The following BRCA2 variants were observed in gnomAD, a reference collection of about 807,000 sequenced individuals.
The protein encoded by BRCA2 is breast cancer type 2 susceptibility protein.
Under a neutral mutation model 276.7 loss-of-function variants are expected in BRCA2, and 203 were observed. The observed-to-expected ratio is 0.73, with a 90% CI of 0.65 to 0.82. The LOEUF (loss-of-function observed/expected upper bound fraction) is 0.82. Among genes scored for constraint, BRCA2 ranks in the 40% least tolerant of loss-of-function variants. BRCA2 has a pLI of 0.00. For missense variants in BRCA2, 3,920 were observed against 3,915.0 expected (o/e 1.00, Z -0.03); for synonymous variants, 1,289 against 1,338.4 (o/e 0.96, Z 0.81).
chr13:32,349,896 G>C (rs1327732400), intron 13 of BRCA2, among the ~76,000 whole-genome samples: 2 of 151,240 alleles, frequency 1.3e-5, no homozygotes, highest in African/African-American at 2.4e-5. Context: ...AAAAGAACCA[G>C]AGGCTTATTC....
intron 10 of BRCA2, among the ~76,000 whole-genome samples, chr13:32,335,721 GT>G (rs1184732327): frequency 6.6e-6 from 1 of 151,300 alleles, no homozygotes; most frequent in Non-Finnish European, 1.5e-5. Context: ...TTTTGATTGA[GT>G]TGGTAACTAT....
chr13:32,356,272 T>G lies in BRCA2; in HGVS notation c.7436-156T>G, dbSNP rs189125142. On this transcript the variant is annotated intron_variant, in intron 14 of 26. Coordinates refer to ENST00000380152, the MANE Select transcript of BRCA2 (RefSeq NM_000059.4). ...TTTAGTAGAGACAGGGTTTCTCCAT[T>G]TTGGTCAGGCTGGTCTTGAACTCCC... is the stretch of plus-strand genomic sequence containing the variant. 2.0e-4 allele frequency among the ~76,000 whole-genome samples: 30 copies of G among 152,092 alleles called. No homozygotes were observed. The East Asian group carries it at 5.8e-3, about 29-fold the overall frequency.
At chr13:32,347,370 AG>A (rs1344768666) in intron 13 of BRCA2, among the ~76,000 whole-genome samples, 1 of 152,218 alleles carries the variant, frequency 6.6e-6, no homozygotes, top group African/African-American at 2.4e-5. Context: ...TAGAGCAAAC[AG>A]AGATGCTTTC....
chr13:32,354,770 T>C (rs1370719123), intron 13 of BRCA2, 91 bp from the exon 14 acceptor site: 1 of 892,206 alleles, frequency 1.1e-6, no homozygotes, highest in Non-Finnish European at 1.8e-6. Context: ...AGTATCACCA[T>C]GTAGCAAATG....
At chr13:32,371,124 A>C (rs81002851) in intron 20 of BRCA2, 24 bp downstream of exon 20, 2 of 1,607,732 alleles carry the variant, frequency 1.2e-6, no homozygotes, top group South Asian at 2.2e-5. Flanking sequence ...TATGGTACAC[A>C]TTGTTATTTC....
At chr13:32,318,181 A>T (rs2072277334) in intron 2 of BRCA2, among the ~76,000 whole-genome samples, 1 of 152,220 alleles carries the variant, frequency 6.6e-6, no homozygotes, top group African/African-American at 2.4e-5. Context: ...CAGCAGTTTT[A>T]CCCAGCATCA....
At chr13:32,356,368 C>A in intron 14 of BRCA2, 60 bp from the exon 15 acceptor site, 2 of 1,547,510 alleles carry the variant, frequency 1.3e-6, no homozygotes, top group Non-Finnish European at 1.8e-6. Context: ...CTGTGCCTGG[C>A]CAGGGGTTGT....
intron 13 of BRCA2, among the ~76,000 whole-genome samples, chr13:32,350,875 C>T (rs369671478): frequency 1.3e-5 from 2 of 152,184 alleles, no homozygotes; most frequent in African/African-American, 4.8e-5. Flanking sequence ...GTGAAGCTGG[C>T]TGGGCTTCTG....
At position 32,338,204 on chromosome 13, in the gene BRCA2, A is replaced by G. The variant is rs1214830867; in HGVS notation, c.3849A>G (p.Val1283=). Residue 1283 remains valine, a synonymous_variant, in exon 11 of 27, where the codon GTA becomes GTG. Coordinates refer to ENST00000380152, the MANE Select transcript of BRCA2 (RefSeq NM_000059.4). ...TAGAAAATCATAATGATAAAACTGT[A>G]AGTGAAAAAAATAATAAATGCCAAC... ...FKIENHNDKT[V]SEKNNKCQLI... is the part of the protein sequence containing the mutation. 6.5e-7 allele frequency: 1 copy of G among 1,547,228 alleles called. No individual in the cohort carries two copies.
Position 32,370,545 on chromosome 13 carries a change from A to G in BRCA2, c.8475A>G (p.Ala2825=), listed in dbSNP as rs1593930521. The change falls in exon 19 of 27, where the codon GCA becomes GCG. Residue 2825 remains alanine, a synonymous_variant. Transcript: ENST00000380152. ...VGCVDVIIQR[A]YPIQWMEKTS... is the part of the protein sequence containing the mutation. ...GTGTTGATGTAATTATTCAAAGAGC[A>G]TACCCTATACAGGTATGATGTATTC... 2 of 1,612,998 alleles carry G rather than the reference A, an allele frequency of 1.2e-6. No homozygotes were observed. The highest frequency in any genetic ancestry group is 1.7e-6 in the Non-Finnish European group (2 of 1,178,936).
chr13:32,317,804 T>A (rs963816224), intron 2 of BRCA2, among the ~76,000 whole-genome samples: 14 of 152,254 alleles, frequency 9.2e-5, no homozygotes, highest in Non-Finnish European at 1.9e-4. Flanking sequence ...TTCATTGATT[T>A]GTGAGAAAAT....
At position 32,398,565 on chromosome 13, in the gene BRCA2, C is replaced by T. The variant is rs2137666124; in HGVS notation, c.10052C>T (p.Ala3351Val). The change falls in exon 27 of 27, where the codon GCT becomes GTT. Residue 3351 changes from alanine (A) to valine (V), a missense_variant. Ala to Val is a moderately conservative substitution (Grantham distance 64). Coordinates refer to ENST00000380152, the MANE Select transcript of BRCA2 (RefSeq NM_000059.4). ...DEELALINTQ[A>V]LLSGSTGEKQ... is the part of the protein sequence containing the mutation. ...GAACTTGCATTGATAAATACCCAAG[C>T]TCTTTTGTCTGGTTCAACAGGAGAA... 6.2e-7 allele frequency: 1 copy of T among 1,614,120 alleles called. No homozygotes were observed. The highest frequency in any genetic ancestry group is 2.2e-5 in the East Asian group (1 of 44,884).
intron 13 of BRCA2, among the ~76,000 whole-genome samples, chr13:32,349,990 A>G (rs1188363778): frequency 6.6e-6 from 1 of 152,136 alleles, no homozygotes; most frequent in Non-Finnish European, 1.5e-5. Flanking sequence ...AGAAGTTAAT[A>G]TATGCATATT....
intron 9 of BRCA2, among the ~76,000 whole-genome samples, 176 bp downstream of exon 9, chr13:32,331,206 C>T (rs1431714679): frequency 1.3e-5 from 2 of 151,960 alleles, no homozygotes; most frequent in Non-Finnish European, 1.5e-5. Flanking sequence ...CAAGCATGCA[C>T]CACCATGCCC....
chr13:32,357,714 C>CT (rs775892050), intron 15 of BRCA2, 28 bp from the exon 16 acceptor site: 2 of 1,597,242 alleles, frequency 1.3e-6, no homozygotes, highest in Non-Finnish European at 1.7e-6. Context: ...AATTGTTTTT[C>CT]TTTTTTGTGT....
chr13:32,337,428 A>G lies in BRCA2; in HGVS notation c.3073A>G (p.Lys1025Glu), dbSNP rs80358550. The stretch of plus-strand genomic sequence containing the variant: ...AATCAAGCTCTCTGAACATAACATT[A>G]AGAAGAGCAAAATGTTCTTCAAAGA... ...KEIKLSEHNIKKSKMFFKDIE... is the reference protein window; with the variant it reads ...KEIKLSEHNIEKSKMFFKDIE... Residue 1025 changes from lysine to glutamate, a missense_variant, in exon 11 of 27, where the codon AAG (lysine) becomes GAG (glutamate). Lys to Glu is a moderately conservative substitution (Grantham distance 56). Around this residue, in one of 2 missense-constraint regions of BRCA2, gnomAD observed 3,263 missense variants for 3,156.9 expected, o/e 1.03. Coordinates refer to ENST00000380152, the MANE Select transcript of BRCA2 (RefSeq NM_000059.4). 5.3e-5 allele frequency: 86 copies of G among 1,613,120 alleles called. No homozygotes were observed. Among genetic ancestry groups the G allele is most frequent in the Non-Finnish European group, 7.0e-5 (83 of 1,179,448 alleles).
At chr13:32,325,319 A>C (rs1420164963) in intron 4 of BRCA2, 135 bp downstream of exon 4, 7 of 655,354 alleles carry the variant, frequency 1.1e-5, no homozygotes, top group Admixed American at 8.2e-5. Flanking sequence ...TTTTTAAATA[A>C]TCTTTTAGGT....
Position 32,332,315 on chromosome 13 carries a change from C to T in BRCA2, c.837C>T (p.Cys279=), listed in dbSNP as rs587781421. 3.7e-6 allele frequency: 6 copies of T among 1,604,630 alleles called. No individual in the cohort carries two copies. The highest frequency in any genetic ancestry group is 5.1e-6 in the Non-Finnish European group (6 of 1,176,258). The change falls in exon 10 of 27, where the codon TGC becomes TGT. Residue 279 remains cysteine (C), a synonymous_variant. Transcript: ENST00000380152. ...TSGNSFKVNS[C]KDHIGKSMPN... ...GGAATTCATTTAAAGTAAATAGCTGCAAAGACCACATTGGAAAGTCAATGC... is the reference window on the plus strand; with the variant it reads ...GGAATTCATTTAAAGTAAATAGCTGTAAAGACCACATTGGAAAGTCAATGC...
intron 9 of BRCA2, among the ~76,000 whole-genome samples, chr13:32,331,404 C>CA (rs1566221729): frequency 6.6e-6 from 1 of 152,016 alleles, no homozygotes; most frequent in East Asian, 1.9e-4. Context: ...TATTTTATCT[C>CA]AAAGTATTGA....
Sources: gnomAD v4.1 joint callset for allele counts (sites outside exome capture counted in the v4.1 genomes callset) on GRCh38, gnomAD v4.1.1 for gene constraint, gnomAD v4.1.1 regional missense constraint, MANE v1.5 for transcripts, NCBI Gene and HGNC (gene_info 2026-07-23, HGNC 2026-07-21) for gene names.